The following PDGFD variants were observed in gnomAD, a reference collection of about 807,000 sequenced individuals.
The protein encoded by PDGFD is platelet-derived growth factor D.
A neutral mutation model predicts 44.7 loss-of-function variants in PDGFD; 30 were observed. The ratio of observed to expected loss-of-function variants is 0.67; its 90% confidence interval spans 0.50 to 0.91. The LOEUF is 0.91. Among genes scored for constraint, PDGFD ranks in the 40% least tolerant of loss-of-function variants. PDGFD has a pLI of 0.00. For synonymous variants in PDGFD, 173 were observed against 168.4 expected, an observed-to-expected ratio of 1.03 and a Z score of -0.21; for missense variants, 445 against 457.8, an observed-to-expected ratio of 0.97 and a Z score of 0.25.
chr11:104,095,184 T>C (rs183099718), intron 1 of PDGFD, among the ~76,000 whole-genome samples: 1 of 152,246 alleles, frequency 6.6e-6, no homozygotes, highest in Non-Finnish European at 1.5e-5. Context: ...CCAGTATTCT[T>C]CCCTTATTGA....
intron 5 of PDGFD, among the ~76,000 whole-genome samples, chr11:103,940,831 G>A (rs750436018): frequency 6.6e-6 from 1 of 152,102 alleles, no homozygotes; most frequent in Non-Finnish European, 1.5e-5. Context: ...TGCAACCTAA[G>A]CCAGCAGGGG....
chr11:103,944,053 A>C (rs1858633553), intron 4 of PDGFD, among the ~76,000 whole-genome samples: 1 of 152,152 alleles, frequency 6.6e-6, no homozygotes, highest in Non-Finnish European at 1.5e-5. Context: ...TTTGATAATT[A>C]ATTCCACTCT....
intron 5 of PDGFD, among the ~76,000 whole-genome samples, chr11:103,929,030 G>T (rs1858360247): frequency 6.6e-6 from 1 of 152,112 alleles, no homozygotes; most frequent in Admixed American, 6.5e-5. Context: ...TAGCAGGAAG[G>T]GATCGTGATG....
At position 103,908,828 on chromosome 11, in the gene PDGFD, T is replaced by C. The variant is rs1177164163; in HGVS notation, c.*866A>G. 1.3e-5 allele frequency: 2 copies of C among 152,186 alleles called. No individual in the cohort carries two copies. Among genetic ancestry groups the C allele is most frequent in the Non-Finnish European group, 2.9e-5 (2 of 68,028 alleles). The allele number at this position is 152,186 out of a possible 1,614,324, so 9.4% of individuals were successfully genotyped here. On this transcript the variant is annotated 3_prime_UTR_variant, in exon 7 of 7. Coordinates refer to ENST00000393158, the MANE Select transcript of PDGFD (RefSeq NM_025208.5). ...TGGAAAGGTTCATACAGAATGCCCATGCCATTCTTGAAAGGATTTGCTTTT... is the reference window on the plus strand; with the variant it reads ...TGGAAAGGTTCATACAGAATGCCCACGCCATTCTTGAAAGGATTTGCTTTT...
intron 1 of PDGFD, among the ~76,000 whole-genome samples, chr11:104,025,896 T>C (rs1860036213): frequency 1.3e-5 from 2 of 152,200 alleles, no homozygotes; most frequent in Admixed American, 6.5e-5. Context: ...AAACCTGCTG[T>C]CCTTATTTTG....
intron 1 of PDGFD, among the ~76,000 whole-genome samples, chr11:104,053,962 T>C (rs376625466): frequency 1.3e-5 from 2 of 152,160 alleles, no homozygotes; most frequent in African/African-American, 4.8e-5. Context: ...AGAAGATTCA[T>C]GACATATAGA....
chr11:104,036,479 A>C, intron 1 of PDGFD: 1 of 275,440 alleles, frequency 3.6e-6, no homozygotes, highest in African/African-American at 2.1e-5. Flanking sequence ...CTTTCATATC[A>C]TGTGTTAAAT....
intron 2 of PDGFD, among the ~76,000 whole-genome samples, chr11:103,997,890 C>A (rs1859558790): frequency 6.6e-6 from 1 of 152,080 alleles, no homozygotes; most frequent in Admixed American, 6.6e-5. Context: ...CTGTCTCTTT[C>A]CCGTCTTTCT....
At chr11:104,117,806 G>A (rs548000786) in intron 1 of PDGFD, among the ~76,000 whole-genome samples, 15 of 151,996 alleles carry the variant, frequency 9.9e-5, no homozygotes, top group African/African-American at 3.6e-4. Context: ...TGGCCATATT[G>A]CCAAAAGCAA....
At chr11:103,989,270 T>C (rs535587966) in intron 3 of PDGFD, among the ~76,000 whole-genome samples, 1 of 152,326 alleles carries the variant, frequency 6.6e-6, no homozygotes, top group African/African-American at 2.4e-5. Flanking sequence ...TTTTAGAATA[T>C]TTGTGAAATA....
chr11:103,943,376 T>C, intron 5 of PDGFD, 76 bp downstream of exon 5: 1 of 1,368,892 alleles, frequency 7.3e-7, no homozygotes, highest in African/African-American at 1.4e-5. Context: ...TCAAATACTT[T>C]GGATAAGGGA....
intron 6 of PDGFD, among the ~76,000 whole-genome samples, chr11:103,915,610 C>A (rs1273121880): frequency 2.6e-5 from 4 of 151,984 alleles, no homozygotes; most frequent in African/African-American, 9.7e-5. Flanking sequence ...TCATATGGAA[C>A]CAAAAAAAGA....
At chr11:104,100,365 A>C (rs1198296293) in intron 1 of PDGFD, among the ~76,000 whole-genome samples, 1 of 148,804 alleles carries the variant, frequency 6.7e-6, no homozygotes, top group Non-Finnish European at 1.5e-5. Context: ...AAAATCTAGA[A>C]GAAATGGATA....
At chr11:103,977,640 T>C (rs1488859654) in intron 3 of PDGFD, among the ~76,000 whole-genome samples, 5 of 152,100 alleles carry the variant, frequency 3.3e-5, no homozygotes, top group African/African-American at 1.2e-4. Flanking sequence ...TTGACAGTGA[T>C]AATATATTAG....
At chr11:103,999,165 C>T (rs1291747622) in intron 2 of PDGFD, among the ~76,000 whole-genome samples, 2 of 152,106 alleles carry the variant, frequency 1.3e-5, no homozygotes, top group East Asian at 1.9e-4. Context: ...ATAATAAAAG[C>T]TGTCAGCATA....
chr11:104,036,697 A>C (rs1860238880), intron 1 of PDGFD: 2 of 739,226 alleles, frequency 2.7e-6, no homozygotes. Flanking sequence ...CTGAGAGGTG[A>C]ATGAGCCCGG....
intron 3 of PDGFD, among the ~76,000 whole-genome samples, chr11:103,982,520 C>A (rs1408968762): frequency 6.6e-6 from 1 of 151,512 alleles, no homozygotes; most frequent in East Asian, 1.9e-4. Flanking sequence ...ACAAGGATGC[C>A]CTCTCTCATC....
At chr11:104,027,511 C>T (rs768044114) in intron 1 of PDGFD, among the ~76,000 whole-genome samples, 4 of 152,212 alleles carry the variant, frequency 2.6e-5, no homozygotes, top group African/African-American at 4.8e-5. Flanking sequence ...TTATTGTCAT[C>T]ATCCCCATTT....
chr11:104,128,897 C>T (rs1193177764), intron 1 of PDGFD, among the ~76,000 whole-genome samples: 1 of 152,134 alleles, frequency 6.6e-6, no homozygotes, highest in East Asian at 1.9e-4. Flanking sequence ...TATTGCTGCT[C>T]ATAATTCTTA....
Sources: gnomAD v4.1 joint callset for allele counts (sites outside exome capture counted in the v4.1 genomes callset) on GRCh38, gnomAD v4.1.1 for gene constraint, MANE v1.5 for transcripts, NCBI Gene and HGNC (gene_info 2026-07-23, HGNC 2026-07-21) for gene names.